BBX: variants seen among roughly 807,000 people sequenced by gnomAD.
The protein encoded by BBX is HMG box transcription factor BBX.
In BBX, 30 loss-of-function variants were observed where a neutral mutation model predicts 100.2. The ratio of observed to expected loss-of-function variants is 0.30; its 90% CI spans 0.22 to 0.41. The LOEUF is 0.41. Ranked by LOEUF, BBX falls within the 10% of genes least tolerant of loss-of-function variation. The probability of loss-of-function intolerance (pLI) is 1.00; values close to 1 mark genes in which losing one functional copy is unlikely to be tolerated. For synonymous variants in BBX, 376 were observed against 388.1 expected, an observed-to-expected ratio of 0.97 and a Z score of 0.37; for missense variants, 1,023 against 1,129.8, an observed-to-expected ratio of 0.91 and a Z score of 1.35.
At chr3:107,799,562 TAG>T (rs1177193084) in intron 16 of BBX, among the ~76,000 whole-genome samples, 70 of 152,272 alleles carry the variant, frequency 4.6e-4, no homozygotes, top group African/African-American at 1.5e-3. Context: ...TTAAAGATAC[TAG>T]ATGAATCAGT....
intron 15 of BBX, among the ~76,000 whole-genome samples, chr3:107,791,540 G>A (rs571199360): frequency 1.5e-4 from 23 of 152,258 alleles, no homozygotes; most frequent in African/African-American, 2.6e-4. Flanking sequence ...CCTTTGAATC[G>A]CATTAATCAG....
At chr3:107,617,370 G>C (rs1032862019) in intron 2 of BBX, among the ~76,000 whole-genome samples, 6 of 151,906 alleles carry the variant, frequency 3.9e-5, no homozygotes, top group Admixed American at 6.6e-5. Flanking sequence ...AGCTATTCTA[G>C]TTCCTTTGCA....
chr3:107,575,755 A>G (rs551084981), intron 2 of BBX, among the ~76,000 whole-genome samples: 2 of 152,284 alleles, frequency 1.3e-5, no homozygotes, highest in South Asian at 2.1e-4. Context: ...TAATTTCAAT[A>G]GGCAGTAGTA....
intron 3 of BBX, among the ~76,000 whole-genome samples, chr3:107,665,775 G>A (rs1350260945): frequency 1.3e-5 from 2 of 152,110 alleles, no homozygotes; most frequent in African/African-American, 4.8e-5. Flanking sequence ...TTTGTTATTT[G>A]CTATACAGCA....
chr3:107,610,980 G>T (rs1405384070), intron 2 of BBX, among the ~76,000 whole-genome samples: 2 of 151,738 alleles, frequency 1.3e-5, no homozygotes, highest in Non-Finnish European at 2.9e-5. Context: ...TTCACTGGTG[G>T]TATGTTTGAA....
rs145163821 is a variant in BBX, at chr3:107,618,585, A to G, written c.-83-27251A>G. ...CGTTTCCTGTTCTACTCATGTTGAT[A>G]TGCTATATTTTCATGTTCACTTGTT... On this transcript the variant is annotated intron_variant, in intron 2 of 17. Coordinates refer to ENST00000325805, the MANE Select transcript of BBX (RefSeq NM_001142568.3). Among the ~76,000 whole-genome samples the G allele has an allele frequency of 2.0e-4, 31 of 152,118 alleles. 1 individual carries two copies. In the East Asian group the frequency reaches 5.4e-3, roughly 27 times the overall value.
chr3:107,547,021 C>T (rs1034411684), intron 2 of BBX, among the ~76,000 whole-genome samples: 2 of 152,134 alleles, frequency 1.3e-5, no homozygotes, highest in Non-Finnish European at 2.9e-5. Flanking sequence ...AAAGATTAAT[C>T]AATGCTTATT....
rs1471526478 is a variant in BBX, at chr3:107,806,230, TC to T, written c.*776del. On this transcript the variant is annotated 3_prime_UTR_variant, in exon 18 of 18. Coordinates refer to ENST00000325805, the MANE Select transcript of BBX (RefSeq NM_001142568.3). Reference sequence around the variant, plus strand: ...TTGAGGCAAATTGTGGCAAATATTTTCCCAGACAGGGGAAGAGTCCTGCAGA... The same window carrying T: ...TTGAGGCAAATTGTGGCAAATATTTTCCAGACAGGGGAAGAGTCCTGCAGA... 1 of 152,212 alleles carries T rather than the reference TC, an allele frequency of 6.6e-6. No individual in the cohort carries two copies. The highest frequency in any genetic ancestry group is 1.5e-5 in the Non-Finnish European group (1 of 68,036). The allele number at this position is 152,212 out of a possible 1,614,324, so 9.4% of individuals were successfully genotyped here. A position where few individuals can be genotyped will look rare whatever the true frequency, so the allele number is the denominator to read the frequency against.
intron 3 of BBX, among the ~76,000 whole-genome samples, chr3:107,701,080 C>A (rs1188828681): frequency 1.3e-5 from 2 of 152,036 alleles, no homozygotes; most frequent in Non-Finnish European, 2.9e-5. Flanking sequence ...GTTCCTATTT[C>A]TCCACATCCT....
At chr3:107,760,189 A>G (rs966061502) in intron 10 of BBX, among the ~76,000 whole-genome samples, 5 of 152,242 alleles carry the variant, frequency 3.3e-5, no homozygotes, top group Non-Finnish European at 7.3e-5. Context: ...CTGTACTCTT[A>G]AACACCAGGC....
chr3:107,554,462 A>G (rs1353809676), intron 2 of BBX, among the ~76,000 whole-genome samples: 1 of 152,164 alleles, frequency 6.6e-6, no homozygotes, highest in Non-Finnish European at 1.5e-5. Context: ...TTGGTTTAAG[A>G]TTTTATATGT....
Position 107,676,284 on chromosome 3 carries a change from A to G in BBX, c.-10+30375A>G, listed in dbSNP as rs76070876. ...ATACTATAAATAAACATTTGGTTGG[A>G]TATCAGTCTTCCATTTTGCCTTATG... On this transcript the variant is annotated intron_variant, in intron 3 of 17. Coordinates refer to ENST00000325805, the MANE Select transcript of BBX (RefSeq NM_001142568.3). Among the ~76,000 whole-genome samples the G allele has an allele frequency of 3.0e-3, 463 of 152,286 alleles. 1 individual carries two copies. Among genetic ancestry groups the G allele is most frequent in the Non-Finnish European group, 4.9e-3 (332 of 68,012 alleles).
chr3:107,768,817 C>T (rs2066608916), intron 10 of BBX, among the ~76,000 whole-genome samples: 2 of 150,376 alleles, frequency 1.3e-5, no homozygotes, highest in Admixed American at 1.3e-4. Context: ...GTTACCCCTT[C>T]TCATCTAGTA....
intron 2 of BBX, among the ~76,000 whole-genome samples, chr3:107,592,432 A>C (rs2053400086): frequency 6.6e-6 from 1 of 151,966 alleles, no homozygotes; most frequent in Non-Finnish European, 1.5e-5. Flanking sequence ...TGATTTTAAA[A>C]AAATCTTATA....
intron 2 of BBX, among the ~76,000 whole-genome samples, chr3:107,531,991 A>C (rs1010596845): frequency 2.0e-5 from 3 of 152,044 alleles, no homozygotes; most frequent in Non-Finnish European, 4.4e-5. Flanking sequence ...TTAGGAGTTT[A>C]AGACTAGCCC....
At chr3:107,778,813 A>G (rs953728638) in intron 13 of BBX, among the ~76,000 whole-genome samples, 1 of 151,696 alleles carries the variant, frequency 6.6e-6, no homozygotes, top group Non-Finnish European at 1.5e-5. Context: ...CTAATTTGGA[A>G]TGTTAACCTT....
At chr3:107,545,401 A>C (rs2049159241) in intron 2 of BBX, among the ~76,000 whole-genome samples, 1 of 152,198 alleles carries the variant, frequency 6.6e-6, no homozygotes, top group African/African-American at 2.4e-5. Flanking sequence ...AAGTTAAGAG[A>C]ATGAAAGAAA....
chr3:107,593,269 G>A (rs2053461203), intron 2 of BBX, among the ~76,000 whole-genome samples: 1 of 152,188 alleles, frequency 6.6e-6, no homozygotes, highest in Non-Finnish European at 1.5e-5. Flanking sequence ...CGTATCTTCT[G>A]TTTGAAAACT....
rs190205728 is a variant in BBX, at chr3:107,736,282, A to G, written c.669+3259A>G. On this transcript the variant is annotated intron_variant, in intron 7 of 17. Coordinates refer to ENST00000325805, the MANE Select transcript of BBX (RefSeq NM_001142568.3). ...GTCCAGTGAATATGAGATTACAGCAAATTATTTAAATCAGAAATCAAATGT... is the reference window on the plus strand; with the variant it reads ...GTCCAGTGAATATGAGATTACAGCAGATTATTTAAATCAGAAATCAAATGT... Among the ~76,000 whole-genome samples, 8 of 152,162 alleles carry G rather than the reference A, an allele frequency of 5.3e-5. No homozygotes were observed. In the East Asian group the frequency reaches 1.5e-3, roughly 29 times the overall value.
Sources: gnomAD v4.1 joint callset for allele counts (sites outside exome capture counted in the v4.1 genomes callset) on GRCh38, gnomAD v4.1.1 for gene constraint, MANE v1.5 for transcripts, NCBI Gene and HGNC (gene_info 2026-07-23, HGNC 2026-07-21) for gene names.